Variants in LRRC37A2 observed in about 807,000 individuals in gnomAD.
The protein encoded by LRRC37A2 is leucine-rich repeat-containing protein 37A2.
A neutral mutation model predicts 68.8 loss-of-function variants in LRRC37A2; 9 were observed. That is an observed-to-expected ratio of 0.13 (90% CI 0.08 to 0.23). The LOEUF is 0.23. LRRC37A2 is among the 10% of genes least tolerant of loss of function. LRRC37A2 has a pLI of 1.00. For missense variants in LRRC37A2, 168 were observed against 950.4 expected (o/e 0.18, Z 10.82); for synonymous variants, 63 against 367.6 (o/e 0.17, Z 9.48).
chr17:46,763,831 C>CAAAAAAAAAAAAA, the LRRC37A2 span: 2 of 123,686 alleles, frequency 1.6e-5, no homozygotes, highest in African/African-American at 3.2e-5. Flanking sequence ...CCACTACCAC[C>CAAAAAAAAAAAAA]AAAAAAAAAA....
At chr17:46,982,739 G>C in the LRRC37A2 span, among the ~76,000 whole-genome samples, 13 of 152,198 alleles carry the variant, frequency 8.5e-5, no homozygotes, top group African/African-American at 2.2e-4. Flanking sequence ...GAGCAGGAAG[G>C]GGGAGAGAGA....
chr17:46,981,583 T>C, the LRRC37A2 span, among the ~76,000 whole-genome samples: 1 of 152,372 alleles, frequency 6.6e-6, no homozygotes, highest in Non-Finnish European at 1.5e-5. Context: ...TTGCCCTCTT[T>C]ATAACAAGCA....
At chr17:46,945,678 A>G in the LRRC37A2 span, among the ~76,000 whole-genome samples, 3 of 152,056 alleles carry the variant, frequency 2.0e-5, no homozygotes, top group Admixed American at 6.5e-5. Flanking sequence ...AACCAAGACC[A>G]CTTGGCCCTG....
the LRRC37A2 span, among the ~76,000 whole-genome samples, chr17:47,031,487 C>T: frequency 7.6e-5 from 11 of 144,610 alleles, no homozygotes; most frequent in South Asian, 4.9e-4. Flanking sequence ...AAGTGCTTCT[C>T]CTTCATTCCT....
the LRRC37A2 span, among the ~76,000 whole-genome samples, chr17:46,822,842 A>G: frequency 1.3e-5 from 2 of 151,718 alleles, no homozygotes; most frequent in East Asian, 1.9e-4. Flanking sequence ...TTCCGCTGAC[A>G]TATGGGAGGC....
the LRRC37A2 span, among the ~76,000 whole-genome samples, chr17:46,796,198 A>T: frequency 1.3e-5 from 2 of 152,240 alleles, no homozygotes; most frequent in Admixed American, 1.3e-4. Flanking sequence ...AACATCCCCC[A>T]CTTCAAAGAG....
chr17:46,782,974 G>A, the LRRC37A2 span, among the ~76,000 whole-genome samples: 5 of 152,238 alleles, frequency 3.3e-5, no homozygotes, highest in Admixed American at 1.3e-4. Context: ...TCCTGTGGCT[G>A]TGGGAGAGCG....
chr17:47,008,079 A>G, the LRRC37A2 span, among the ~76,000 whole-genome samples: 1 of 151,426 alleles, frequency 6.6e-6, no homozygotes, highest in African/African-American at 2.4e-5. Context: ...AAATGGATTT[A>G]TTTCAATCAT....
the LRRC37A2 span, among the ~76,000 whole-genome samples, chr17:47,029,167 TCTCGAACTCC>T: frequency 6.6e-6 from 1 of 151,712 alleles, no homozygotes; most frequent in Non-Finnish European, 1.5e-5. Context: ...TCCAGGCTGG[TCTCGAACTCC>T]TGTGACCTCA....
chr17:47,019,445 A>G, the LRRC37A2 span: 387 of 1,609,990 alleles, frequency 2.4e-4, 21 homozygotes, highest in African/African-American at 4.4e-3. Context: ...CTCCAGACCT[A>G]GGGCTTGCCA....
At chr17:46,942,555 A>G in the LRRC37A2 span, among the ~76,000 whole-genome samples, 2 of 152,176 alleles carry the variant, frequency 1.3e-5, no homozygotes, top group Non-Finnish European at 2.9e-5. Flanking sequence ...GGGGACTGAG[A>G]TGGTGCAGCC....
chr17:46,749,705 C>A, the LRRC37A2 span: 1 of 1,411,198 alleles, frequency 7.1e-7, no homozygotes, highest in South Asian at 1.6e-5. Flanking sequence ...AAATTGTGTT[C>A]AAGCTTACTG....
chr17:46,872,787 CTA>C, the LRRC37A2 span: 1 of 1,415,256 alleles, frequency 7.1e-7, no homozygotes, highest in Non-Finnish European at 9.8e-7. Context: ...GGGAGGAGGG[CTA>C]GGGGACGGGG....
At chr17:46,958,616 T>C in the LRRC37A2 span, among the ~76,000 whole-genome samples, 1 of 152,190 alleles carries the variant, frequency 6.6e-6, no homozygotes, top group Non-Finnish European at 1.5e-5. Flanking sequence ...GCCAGTGGGA[T>C]GTGCCAGCTC....
the LRRC37A2 span, among the ~76,000 whole-genome samples, chr17:46,877,508 G>A: frequency 2.6e-5 from 4 of 152,312 alleles, no homozygotes; most frequent in African/African-American, 4.8e-5. Context: ...CCACCAAGGC[G>A]GGACTCAGTG....
At chr17:46,840,059 T>C in the LRRC37A2 span, among the ~76,000 whole-genome samples, 1 of 150,188 alleles carries the variant, frequency 6.7e-6, no homozygotes, top group South Asian at 2.1e-4. Context: ...TCTCTCTCTC[T>C]TTCCTTTCTT....
At chr17:46,679,100 G>C in the LRRC37A2 span, among the ~76,000 whole-genome samples, 1 of 151,992 alleles carries the variant, frequency 6.6e-6, no homozygotes, top group Non-Finnish European at 1.5e-5. Flanking sequence ...CACATGCTTG[G>C]GTGGTAAAAC....
At chr17:46,418,215 T>TGTGTTTGTG in the LRRC37A2 span, among the ~76,000 whole-genome samples, 1 of 62,630 alleles carries the variant, frequency 1.6e-5, no homozygotes, top group Non-Finnish European at 3.8e-5. Context: ...GTGTGTGTGT[T>TGTGTTTGTG]TGTGTGTGTG....
chr17:46,619,770 T>TAA, the LRRC37A2 span, among the ~76,000 whole-genome samples: 371 of 20,848 alleles, frequency 0.018, 8 homozygotes, highest in Middle Eastern at 0.053. Context: ...AGACTCCATC[T>TAA]AAAAAAAAAA....
Sources: gnomAD v4.1 joint callset for allele counts (sites outside exome capture counted in the v4.1 genomes callset) on GRCh38, gnomAD v4.1.1 for gene constraint, MANE v1.5 for transcripts, NCBI Gene and HGNC (gene_info 2026-07-23, HGNC 2026-07-21) for gene names.